KCTD8: variants seen among roughly 807,000 people sequenced by gnomAD.
KCTD8 encodes BTB/POZ domain-containing protein KCTD8.
A neutral mutation model predicts 31.5 loss-of-function variants in KCTD8; 27 were observed. The observed-to-expected ratio is 0.86, with a 90% CI of 0.63 to 1.18. The LOEUF (loss-of-function observed/expected upper bound fraction) is 1.18, where lower values mean the gene tolerates loss of function less well. Among genes scored for constraint, KCTD8 ranks in the 50% most tolerant of loss-of-function variants. The pLI is 0.00. For missense variants in KCTD8, 658 were observed against 647.7 expected, an observed-to-expected ratio of 1.02 and a Z score of -0.17; for synonymous variants, 290 against 280.0, an observed-to-expected ratio of 1.04 and a Z score of -0.36.
chr4:44,370,704 G>A (rs117952058), intron 1 of KCTD8, among the ~76,000 whole-genome samples: 1 of 152,142 alleles, frequency 6.6e-6, no homozygotes, highest in African/African-American at 2.4e-5. Flanking sequence ...TCCAGTACTA[G>A]ATTTCAACTT....
chr4:44,349,022 T>C (rs1220407733), intron 1 of KCTD8, among the ~76,000 whole-genome samples: 1 of 152,124 alleles, frequency 6.6e-6, no homozygotes, highest in Non-Finnish European at 1.5e-5. Context: ...ATAGAAAAAC[T>C]TAAATGATGC....
chr4:44,443,604 C>CA (rs1414133825), intron 1 of KCTD8, among the ~76,000 whole-genome samples: 2 of 151,384 alleles, frequency 1.3e-5, no homozygotes, highest in Non-Finnish European at 2.9e-5. Flanking sequence ...AACAAACAAA[C>CA]AAAAAAAGAT....
chr4:44,175,270 A>G lies in KCTD8; in HGVS notation c.962-20T>C, dbSNP rs1713175710. On this transcript the variant is annotated intron_variant, in intron 1 of 1. Transcript: ENST00000360029. ...GTGGTCCTAAAAAGGAGGAAAAAAA[A>G]AGAAGAAGAGTAGAACAGTTGAATA... 7.0e-7 allele frequency: 1 copy of G among 1,419,616 alleles called. No homozygotes were observed. The highest frequency in any genetic ancestry group is 2.3e-5 in the Admixed American group (1 of 43,398). 87.9% of individuals were successfully genotyped at this position (1,419,616 alleles called of 1,614,324 possible).
intron 1 of KCTD8, among the ~76,000 whole-genome samples, chr4:44,306,501 C>T (rs1717809951): frequency 6.6e-6 from 1 of 151,972 alleles, no homozygotes; most frequent in African/African-American, 2.4e-5. Flanking sequence ...GAATTCTAGT[C>T]TCCTTAGTTC....
chr4:44,292,451 A>G (rs894857834), intron 1 of KCTD8, among the ~76,000 whole-genome samples: 2 of 152,084 alleles, frequency 1.3e-5, no homozygotes, highest in Admixed American at 1.3e-4. Flanking sequence ...AGATGGAAAC[A>G]ATAGACACTG....
chr4:44,319,856 A>G (rs1718241676), intron 1 of KCTD8, among the ~76,000 whole-genome samples: 1 of 152,056 alleles, frequency 6.6e-6, no homozygotes, highest in African/African-American at 2.4e-5. Context: ...AAGACTTCCA[A>G]TGAGAAAGGA....
At chr4:44,414,865 T>G (rs1721037084) in intron 1 of KCTD8, among the ~76,000 whole-genome samples, 1 of 152,042 alleles carries the variant, frequency 6.6e-6, no homozygotes. Context: ...GAGTCAGCTG[T>G]TGCAATAAAG....
intron 1 of KCTD8, among the ~76,000 whole-genome samples, chr4:44,403,822 C>CA (rs1560446447): frequency 6.6e-6 from 1 of 151,340 alleles, no homozygotes; most frequent in Non-Finnish European, 1.5e-5. Context: ...AGTACGGAGC[C>CA]AAAAAATGTA....
rs538938920 is a variant in KCTD8 at position 44,323,271 on chromosome 4, A to G, written c.961+124292T>C. Among the ~76,000 whole-genome samples the G allele has an allele frequency of 2.6e-5, 4 of 152,066 alleles. 1 individual carries two copies. The highest frequency in any genetic ancestry group is 9.7e-5 in the African/African-American group (4 of 41,378). On this transcript the variant is annotated intron_variant, in intron 1 of 1. Transcript: ENST00000360029. ...CACTTTGGGAGGTCAAGACAGGTGG[A>G]TCACCTGAGGTCAGGAGTTCGAGAC...
At chr4:44,183,522 C>T (rs78412872) in intron 1 of KCTD8, among the ~76,000 whole-genome samples, 4,791 of 152,146 alleles carry the variant, frequency 0.031, 139 homozygotes, top group Non-Finnish European at 0.044. Flanking sequence ...TTGATCAATT[C>T]CCTTGGGCTT....
intron 1 of KCTD8, among the ~76,000 whole-genome samples, chr4:44,328,363 T>C (rs1718501019): frequency 6.6e-6 from 1 of 151,900 alleles, no homozygotes; most frequent in Admixed American, 6.6e-5. Flanking sequence ...ACCTACTAAA[T>C]GTTTCTTCTC....
rs780284389 is a variant in KCTD8, at chr4:44,447,944, C to G, written c.580G>C (p.Gly194Arg). ...TGCGCGCCGCCGCCGCCGCCACCAC[C>G]GTGCGCTCCCGGGCCCGAGGGCACG... ...AAVPSGPGAH[G>R]GGGGGGAQDK... The change falls in exon 1 of 2, where the codon GGT (glycine) becomes CGT (arginine). Residue 194 changes from glycine (G) to arginine (R), a missense_variant. Gly to Arg is a moderately radical substitution (Grantham distance 125). Coordinates refer to ENST00000360029, the MANE Select transcript of KCTD8 (RefSeq NM_198353.3). 6 of 1,493,912 alleles carry G rather than the reference C, an allele frequency of 4.0e-6. No homozygotes were observed. Among genetic ancestry groups the G allele is most frequent in the African/African-American group, 2.9e-5 (2 of 69,376 alleles). The allele number at this position is 1,493,912 out of a possible 1,614,324, so 92.5% of individuals were successfully genotyped here. A position where few individuals can be genotyped will look rare whatever the true frequency, so the allele number is the denominator to read the frequency against.
chr4:44,247,982 T>A (rs1715716314), intron 1 of KCTD8, among the ~76,000 whole-genome samples: 1 of 151,934 alleles, frequency 6.6e-6, no homozygotes, highest in Non-Finnish European at 1.5e-5. Context: ...TGGCTATATA[T>A]CCAAAAGAAT....
Position 44,308,274 on chromosome 4 carries a change from A to G in KCTD8, c.962-133024T>C, listed in dbSNP as rs185008019. ...TATAGTATAATCAATCATTCAATCAATCAATAAGTGCTCACTAAGCTTCGA... is the reference window on the plus strand; with the variant it reads ...TATAGTATAATCAATCATTCAATCAGTCAATAAGTGCTCACTAAGCTTCGA... On this transcript the variant is annotated intron_variant, in intron 1 of 1. Transcript: ENST00000360029. 5.8e-4 allele frequency among the ~76,000 whole-genome samples: 89 copies of G among 152,158 alleles called. No homozygotes were observed. The Middle Eastern group carries it at 0.01, about 17-fold the overall frequency.
chr4:44,377,342 G>T (rs373850071), intron 1 of KCTD8, among the ~76,000 whole-genome samples: 1 of 152,098 alleles, frequency 6.6e-6, no homozygotes, highest in Non-Finnish European at 1.5e-5. Context: ...CCTGAGAAGC[G>T]CCCTTTCTGG....
At chr4:44,316,200 T>A (rs754317792) in intron 1 of KCTD8, among the ~76,000 whole-genome samples, 31 of 152,314 alleles carry the variant, frequency 2.0e-4, no homozygotes, top group Non-Finnish European at 3.4e-4. Context: ...TGTTCTGCTA[T>A]ATATCTTAAC....
chr4:44,359,416 C>T (rs1367779804), intron 1 of KCTD8, among the ~76,000 whole-genome samples: 1 of 151,922 alleles, frequency 6.6e-6, no homozygotes, highest in Admixed American at 6.6e-5. Context: ...TTTGCATATG[C>T]CAACTTATTT....
chr4:44,402,547 T>G (rs1720691055), intron 1 of KCTD8, among the ~76,000 whole-genome samples: 1 of 152,130 alleles, frequency 6.6e-6, no homozygotes, highest in East Asian at 1.9e-4. Flanking sequence ...CCAAACCTCT[T>G]AAGTCTCAGA....
At chr4:44,218,349 G>A (rs1714711084) in intron 1 of KCTD8, among the ~76,000 whole-genome samples, 1 of 151,092 alleles carries the variant, frequency 6.6e-6, no homozygotes, top group African/African-American at 2.4e-5. Flanking sequence ...GGCCAGGCTG[G>A]TCTCGAACTC....
Sources: gnomAD v4.1 joint callset for allele counts (sites outside exome capture counted in the v4.1 genomes callset) on GRCh38, gnomAD v4.1.1 for gene constraint, MANE v1.5 for transcripts, NCBI Gene and HGNC (gene_info 2026-07-23, HGNC 2026-07-21) for gene names.